Variants in LRP3 observed in about 807,000 individuals in gnomAD.
LRP3 encodes the protein low-density lipoprotein receptor-related protein 3.
A neutral mutation model predicts 58.5 loss-of-function variants in LRP3; 49 were observed. The observed-to-expected ratio is 0.84, with a 90% CI of 0.67 to 1.06. LRP3 has a LOEUF of 1.06. Ranked by LOEUF, LRP3 falls within the 50% of genes least tolerant of loss-of-function variation. LRP3 has a pLI of 0.00. For missense variants in LRP3, 1,019 were observed against 1,134.2 expected (o/e 0.90, Z 1.46); for synonymous variants, 485 against 492.2 (o/e 0.99, Z 0.20).
intron 3 of LRP3, chr19:33,204,101 C>T (rs1400185722): frequency 1.3e-5 from 2 of 159,180 alleles, no homozygotes; most frequent in Admixed American, 1.2e-4. Flanking sequence ...CCTCAGTTTC[C>T]CCAAGGGCCA....
rs1974448422 is a variant in LRP3 at position 33,208,073 on chromosome 19, C to G, written c.*498C>G. Reference sequence around the variant, plus strand: ...TGGCTCCTGCCAAACCCTCATGCCCCTGGCCAGGCAGGCGCCCTTTGCCCT... The same window carrying G: ...TGGCTCCTGCCAAACCCTCATGCCCGTGGCCAGGCAGGCGCCCTTTGCCCT... On this transcript the variant is annotated 3_prime_UTR_variant, in exon 7 of 7. Coordinates refer to ENST00000253193, the MANE Select transcript of LRP3 (RefSeq NM_002333.4). The surrounding 1 kb of genome is among the most constrained non-coding windows in gnomAD (Gnocchi z 4.7). 6.0e-6 allele frequency: 1 copy of G among 167,436 alleles called. No homozygotes were observed. The highest frequency in any genetic ancestry group is 1.3e-5 in the Non-Finnish European group (1 of 76,774). The allele number at this position is 167,436 out of a possible 1,614,324, so 10.4% of individuals were successfully genotyped here. A position where few individuals can be genotyped will look rare whatever the true frequency, so the allele number is the denominator to read the frequency against.
At chr19:33,195,796 C>T (rs1024817335) in intron 1 of LRP3, among the ~76,000 whole-genome samples, 2 of 152,182 alleles carry the variant, frequency 1.3e-5, no homozygotes, top group African/African-American at 2.4e-5. Flanking sequence ...AACCTCAGTG[C>T]GGGGTCATGT....
Position 33,206,211 on chromosome 19 carries a change from C to T in LRP3, c.1441C>T (p.Gln481Ter). ...TWRCDGQEDC[Q>*]DGSDEHGCLA... ...GCGCTGTGACGGCCAGGAAGACTGC[C>T]AGGACGGCAGCGATGAGCATGGGTG... is the stretch of plus-strand genomic sequence containing the variant. The change falls in exon 5 of 7, where the codon CAG becomes TAG. Residue 481 changes from glutamine (Q) to a stop codon, truncating the protein, a stop_gained. Transcript: ENST00000253193. LOFTEE classifies it high-confidence loss of function. The T allele has an allele frequency of 6.3e-7, 1 of 1,595,470 alleles. No individual in the cohort carries two copies. Among genetic ancestry groups the T allele is most frequent in the Non-Finnish European group, 8.5e-7 (1 of 1,171,058 alleles).
intron 2 of LRP3, among the ~76,000 whole-genome samples, chr19:33,201,946 C>T (rs1195333044): frequency 2.0e-5 from 3 of 152,156 alleles, no homozygotes; most frequent in East Asian, 1.9e-4. Flanking sequence ...AGCTGGCGGG[C>T]GTGATGCTTT....
Position 33,194,750 on chromosome 19 carries a change from G to A in LRP3, c.-36G>A. 1 of 779,262 alleles carries A rather than the reference G, an allele frequency of 1.3e-6. No individual in the cohort carries two copies. The highest frequency in any genetic ancestry group is 5.7e-5 in the South Asian group (1 of 17,480). The allele number at this position is 779,262 out of a possible 1,614,324, so 48.3% of individuals were successfully genotyped here. ...GCCGGAACCGGAGCCGGAGCCGCGG[G>A]GCAGGAGGCGGCGCCCGCGGGCGGC... On this transcript the variant is annotated 5_prime_UTR_variant, in exon 1 of 7. Coordinates refer to ENST00000253193, the MANE Select transcript of LRP3 (RefSeq NM_002333.4).
Position 33,207,475 on chromosome 19 carries a change from G to A in LRP3, c.2213G>A (p.Gly738Asp), listed in dbSNP as rs1599940791. 6 of 1,599,858 alleles carry A rather than the reference G, an allele frequency of 3.8e-6. 1 individual carries two copies. The highest frequency in any genetic ancestry group is 3.4e-5 in the Admixed American group (2 of 59,162). The change falls in exon 7 of 7, where the codon GGC (glycine) becomes GAC (aspartate). Residue 738 changes from glycine (G) to aspartate (D), a missense_variant. Transcript: ENST00000253193. ...GTCTCCACTGCCAGCAGCACCCTGG[G>A]CCCCCACTCGCCAGAGCCACTGGGG... Reference protein sequence around the residue: ...PQVSTASSTLGPHSPEPLGVC... With the variant: ...PQVSTASSTLDPHSPEPLGVC...
At position 33,208,754 on chromosome 19, in the gene LRP3, T is replaced by G; in HGVS notation, c.*1179T>G. 3 of 1,076,832 alleles carry G rather than the reference T, an allele frequency of 2.8e-6. No homozygotes were observed. The highest frequency in any genetic ancestry group is 3.9e-6 in the Non-Finnish European group (3 of 765,624). 66.7% of individuals were successfully genotyped at this position (1,076,832 alleles called of 1,614,324 possible). On this transcript the variant is annotated 3_prime_UTR_variant, in exon 7 of 7. Coordinates refer to ENST00000253193, the MANE Select transcript of LRP3 (RefSeq NM_002333.4). This position sits in a 1 kb window ranked among gnomAD's most constrained non-coding sequence, Gnocchi z 4.7. ...GAAACCCAGTCCACATTTTAGGGCT[T>G]CCTTAAACAGGCTTCTGAGAGTCGT... is the stretch of plus-strand genomic sequence containing the variant.
chr19:33,205,331 G>C lies in LRP3; in HGVS notation c.561G>C (p.Thr187=). The C allele has an allele frequency of 6.2e-7, 1 of 1,611,306 alleles. No individual in the cohort carries two copies. The part of the protein sequence containing the change: ...KCLPGPWQCN[T]VDECGDGSDE... ...TGCCCGGCCCGTGGCAGTGCAACAC[G>C]GTGGACGAGTGTGGAGACGGCTCTG... Residue 187 remains threonine (T), a synonymous_variant, in exon 5 of 7, where the codon ACG becomes ACC. Coordinates refer to ENST00000253193, the MANE Select transcript of LRP3 (RefSeq NM_002333.4).
At position 33,206,999 on chromosome 19, in the gene LRP3, G is replaced by T; in HGVS notation, c.1737G>T (p.Leu579=). ...GCTCCACCCCACAGGCCTCTGTGCT[G>T]CAGAATCTTCGCACAGCCATGCGGA... The part of the protein sequence containing the change: ...PVYSASQASV[L]QNLRTAMRRQ... Residue 579 remains leucine, a synonymous_variant, in exon 7 of 7, where the codon CTG becomes CTT. Transcript: ENST00000253193. 6.8e-7 allele frequency: 1 copy of T among 1,474,194 alleles called. No homozygotes were observed. Among genetic ancestry groups the T allele is most frequent in the South Asian group, 1.4e-5 (1 of 70,608 alleles). The allele number at this position is 1,474,194 out of a possible 1,614,324, so 91.3% of individuals were successfully genotyped here. A position where few individuals can be genotyped will look rare whatever the true frequency, so the allele number is the denominator to read the frequency against.
In LRP3 at chr19:33,204,713, C is replaced by G; in HGVS notation, c.336C>G (p.Pro112=). Reference sequence around the variant, plus strand: ...TCCTGCTGGGCCCAGCAGCCCCACCCCGCCAGGAGGCCTTCCGCCTCTGTG... The same window carrying G: ...TCCTGCTGGGCCCAGCAGCCCCACCGCGCCAGGAGGCCTTCCGCCTCTGTG... The part of the protein sequence containing the change: ...DWLLLGPAAP[P]RQEAFRLCGS... The change falls in exon 4 of 7, where the codon CCC becomes CCG. Residue 112 remains proline (P), a synonymous_variant. Transcript: ENST00000253193. 6.2e-7 allele frequency: 1 copy of G among 1,610,748 alleles called. No individual in the cohort carries two copies. Among genetic ancestry groups the G allele is most frequent in the Non-Finnish European group, 8.5e-7 (1 of 1,179,920 alleles).
Position 33,194,805 on chromosome 19 carries a change from C to T in LRP3, c.20C>T (p.Ala7Val). Residue 7 changes from alanine (A) to valine (V), a missense_variant, in exon 1 of 7, where the codon GCG (alanine) becomes GTG (valine). Ala to Val is a moderately conservative substitution (Grantham distance 64). Transcript: ENST00000253193. ...CCCGGCATGGAGAAGCGCGCGGCCG[C>T]GGGGCTGGAGGGCGCGCCGGGCGCC... MEKRAA[A>V]GLEGAPGARA... 9.4e-7 allele frequency: 1 copy of T among 1,058,504 alleles called. No individual in the cohort carries two copies. Among genetic ancestry groups the T allele is most frequent in the Non-Finnish European group, 1.1e-6 (1 of 878,340 alleles). The allele number at this position is 1,058,504 out of a possible 1,614,324, so 65.6% of individuals were successfully genotyped here.
rs139109600 is a variant in LRP3 at position 33,202,787 on chromosome 19, C to T, written c.122-61C>T. ...GCCTGTGCTGAAGCCCCCTTCCCCC[C>T]ACTGCAACCCGCATCCCAACCAAAG... On this transcript the variant is annotated intron_variant, in intron 2 of 6. Coordinates refer to ENST00000253193, the MANE Select transcript of LRP3 (RefSeq NM_002333.4). 7.8e-4 allele frequency: 1,180 copies of T among 1,514,074 alleles called. 11 individuals carry two copies. The African/African-American group carries it at 0.014, about 18-fold the overall frequency. The allele number at this position is 1,514,074 out of a possible 1,614,324, so 93.8% of individuals were successfully genotyped here.
At chr19:33,198,621 C>A (rs1275376185) in intron 2 of LRP3, among the ~76,000 whole-genome samples, 1 of 152,212 alleles carries the variant, frequency 6.6e-6, no homozygotes, top group Non-Finnish European at 1.5e-5. Flanking sequence ...GAGGGTCTAG[C>A]AGGGCTACCT....
At position 33,206,653 on chromosome 19, in the gene LRP3, G is replaced by A. The variant is rs754865337; in HGVS notation, c.1645G>A (p.Ala549Thr). Residue 549 changes from alanine to threonine, a missense_variant, in exon 6 of 7, where the codon GCA becomes ACA. Ala to Thr is a moderately conservative substitution (Grantham distance 58, BLOSUM62 0). Transcript: ENST00000253193. The part of the protein sequence containing the change: ...RLEAEFVRRE[A>T]PPSYGQLIAQ... ...GGAGGCTGAGTTCGTGCGGCGGGAG[G>A]CACCCCCATCCTATGGTCAGCTCAT... 2 of 1,595,670 alleles carry A rather than the reference G, an allele frequency of 1.3e-6. No homozygotes were observed. The highest frequency in any genetic ancestry group is 1.7e-6 in the Non-Finnish European group (2 of 1,170,988).
intron 6 of LRP3, 57 bp from the exon 7 acceptor site, chr19:33,206,931 C>T: frequency 7.6e-7 from 1 of 1,310,964 alleles, no homozygotes; most frequent in Non-Finnish European, 1.0e-6. Context: ...TGCCCCTGAG[C>T]AGCCTGTCTG....
intron 1 of LRP3, among the ~76,000 whole-genome samples, chr19:33,195,484 C>A (rs1026857879): frequency 3.3e-5 from 5 of 152,214 alleles, no homozygotes; most frequent in Non-Finnish European, 7.3e-5. Context: ...AGCTTTCCAG[C>A]GCTCTGTGTA....
chr19:33,206,129 C>G lies in LRP3; in HGVS notation c.1359C>G (p.Phe453Leu). 1.9e-6 allele frequency: 3 copies of G among 1,609,024 alleles called. No individual in the cohort carries two copies. The highest frequency in any genetic ancestry group is 2.5e-6 in the Non-Finnish European group (3 of 1,179,190). Residue 453 changes from phenylalanine to leucine, a missense_variant, in exon 5 of 7, where the codon TTC becomes TTG. Phe to Leu is a conservative substitution (Grantham distance 22). This residue lies in a region of LRP3 where 592 missense variants were observed against 725.5 expected (regional missense o/e 0.82). Coordinates refer to ENST00000253193, the MANE Select transcript of LRP3 (RefSeq NM_002333.4). ...CPDGADEKNC[F>L]SCQPGTFHCG... ...ACGGCGCCGACGAGAAGAACTGCTT[C>G]TCCTGCCAGCCCGGCACCTTCCACT...
intron 3 of LRP3, 28 bp from the exon 4 acceptor site, chr19:33,204,610 T>C (rs768844690): frequency 1.3e-6 from 2 of 1,540,078 alleles, no homozygotes; most frequent in East Asian, 2.3e-5. Flanking sequence ...TACTGCCTCA[T>C]GTCTGGGTCC....
chr19:33,198,617 C>A (rs921839915), intron 2 of LRP3, among the ~76,000 whole-genome samples: 1 of 152,202 alleles, frequency 6.6e-6, no homozygotes, highest in Non-Finnish European at 1.5e-5. Flanking sequence ...TCCAGAGGGT[C>A]TAGCAGGGCT....
Sources: allele counts gnomAD v4.1 joint callset (sites outside exome capture counted in the v4.1 genomes callset), GRCh38; gene constraint gnomAD v4.1.1; regional missense constraint gnomAD v4.1.1; non-coding constraint Gnocchi (gnomAD v3.1); transcripts MANE v1.5; gene names NCBI Gene and HGNC (gene_info 2026-07-23, HGNC 2026-07-21).